TANC2: variants seen among roughly 807,000 people sequenced by gnomAD.
TANC2 encodes the protein tetratricopeptide repeat, ankyrin repeat and coiled-coil containing 2, also known as protein TANC2.
TANC2 carries 26 observed loss-of-function variants against 210.5 expected under a neutral mutation model. The ratio of observed to expected loss-of-function variants is 0.12; its 90% CI spans 0.09 to 0.17. The LOEUF (loss-of-function observed/expected upper bound fraction) is 0.17. TANC2 is among the 10% of genes least tolerant of loss of function. TANC2 has a pLI of 1.00. For missense variants in TANC2, 2,129 were observed against 2,608.9 expected, an observed-to-expected ratio of 0.82 and a Z score of 4.01; for synonymous variants, 931 against 967.1, an observed-to-expected ratio of 0.96 and a Z score of 0.69.
At chr17:63,184,284 G>A (rs1274841177) in intron 5 of TANC2, among the ~76,000 whole-genome samples, 1 of 151,954 alleles carries the variant, frequency 6.6e-6, no homozygotes, top group African/African-American at 2.4e-5. Context: ...GCTTAAATAT[G>A]TAGTGTTATT....
At chr17:63,311,539 T>C (rs1015559809) in intron 9 of TANC2, among the ~76,000 whole-genome samples, 1 of 152,118 alleles carries the variant, frequency 6.6e-6, no homozygotes, top group African/African-American at 2.4e-5. Context: ...ATATATTGAA[T>C]AAGAATATAG....
chr17:63,245,867 G>A (rs572256984), intron 8 of TANC2, among the ~76,000 whole-genome samples: 1 of 149,932 alleles, frequency 6.7e-6, no homozygotes, highest in African/African-American at 2.5e-5. Flanking sequence ...AAAATTACCT[G>A]TGCATGGTAG....
At chr17:63,085,078 A>G (rs1051123635) in intron 3 of TANC2, among the ~76,000 whole-genome samples, 3 of 152,134 alleles carry the variant, frequency 2.0e-5, no homozygotes, top group African/African-American at 4.8e-5. Context: ...AAGGCTGTCA[A>G]AGTCTCAAGT....
At chr17:63,267,028 AT>A (rs1242353194) in intron 8 of TANC2, among the ~76,000 whole-genome samples, 3 of 151,782 alleles carry the variant, frequency 2.0e-5, no homozygotes, top group Non-Finnish European at 4.4e-5. Context: ...TTTTTTGTGC[AT>A]TTTTTGTGGA....
intron 5 of TANC2, among the ~76,000 whole-genome samples, chr17:63,179,493 A>G (rs1451437905): frequency 1.3e-5 from 2 of 152,260 alleles, no homozygotes; most frequent in African/African-American, 4.8e-5. Flanking sequence ...TTAGAAAAGT[A>G]CAGTAATATC....
chr17:63,053,393 A>G (rs1218516508), intron 2 of TANC2, among the ~76,000 whole-genome samples: 1 of 152,186 alleles, frequency 6.6e-6, no homozygotes. Flanking sequence ...TACTTGACCT[A>G]TCAATATTTA....
At chr17:63,180,490 A>T (rs554818699) in intron 5 of TANC2, among the ~76,000 whole-genome samples, 1 of 152,222 alleles carries the variant, frequency 6.6e-6, no homozygotes, top group African/African-American at 2.4e-5. Flanking sequence ...CAGTATCACT[A>T]TTTAAAAGGA....
intron 9 of TANC2, among the ~76,000 whole-genome samples, chr17:63,292,612 G>A (rs766606866): frequency 1.6e-4 from 24 of 152,170 alleles, no homozygotes; most frequent in Non-Finnish European, 2.8e-4. Flanking sequence ...TGAAGAAGCA[G>A]CATCAAAGGG....
chr17:63,360,885 A>G (rs1490704960), intron 14 of TANC2, among the ~76,000 whole-genome samples: 2 of 152,168 alleles, frequency 1.3e-5, no homozygotes, highest in Non-Finnish European at 2.9e-5. Context: ...GATAAGTGAG[A>G]ACACGCAATG....
intron 1 of TANC2, among the ~76,000 whole-genome samples, chr17:63,008,939 C>G (rs1390318146): frequency 6.6e-6 from 1 of 152,092 alleles, no homozygotes; most frequent in African/African-American, 2.4e-5. Flanking sequence ...GTATTTATAG[C>G]TACCTAATTA....
intron 7 of TANC2, among the ~76,000 whole-genome samples, chr17:63,203,585 A>G (rs1051137947): frequency 2.6e-5 from 4 of 152,208 alleles, no homozygotes; most frequent in Admixed American, 1.3e-4. Flanking sequence ...TGATTAGTGT[A>G]GAGGTTCTGC....
At chr17:63,282,272 A>G (rs984196891) in intron 9 of TANC2, among the ~76,000 whole-genome samples, 12 of 152,172 alleles carry the variant, frequency 7.9e-5, no homozygotes, top group Admixed American at 5.9e-4. Flanking sequence ...CAAATTACTA[A>G]TATCAGGAAT....
At chr17:63,322,554 C>G (rs1046528432) in intron 11 of TANC2, among the ~76,000 whole-genome samples, 8 of 152,196 alleles carry the variant, frequency 5.3e-5, no homozygotes, top group African/African-American at 1.9e-4. Context: ...TAAAGTGCTT[C>G]CAGCACTTCA....
intron 9 of TANC2, among the ~76,000 whole-genome samples, chr17:63,299,534 CTTTTTTTT>C (rs201041332): frequency 7.9e-6 from 1 of 126,554 alleles, no homozygotes; most frequent in Non-Finnish European, 1.7e-5. Flanking sequence ...TGATGTTAAG[CTTTTTTTT>C]TTTTTTTTTG....
chr17:63,291,938 G>A (rs1485218115), intron 9 of TANC2, among the ~76,000 whole-genome samples: 1 of 152,168 alleles, frequency 6.6e-6, no homozygotes, highest in African/African-American at 2.4e-5. Flanking sequence ...GATTAAGGAG[G>A]AAGAAATTAT....
chr17:63,000,285 C>A (rs2033314717), intron 1 of TANC2, among the ~76,000 whole-genome samples: 1 of 152,048 alleles, frequency 6.6e-6, no homozygotes, highest in Admixed American at 6.5e-5. Flanking sequence ...TCATGATCAT[C>A]AAAATAGTAC....
rs577022953 is a variant in TANC2, at chr17:63,258,359, T to C, written c.1034-9389T>C. On this transcript the variant is annotated intron_variant, in intron 8 of 27. Transcript: ENST00000689528. Reference sequence around the variant, plus strand: ...TAAATCTGCTTGGTGTTCTATTAGCTTCTTTTACTTGAATGTTAATATATT... The same window carrying C: ...TAAATCTGCTTGGTGTTCTATTAGCCTCTTTTACTTGAATGTTAATATATT... Among the ~76,000 whole-genome samples the C allele has an allele frequency of 7.2e-5, 11 of 152,326 alleles. No individual in the cohort carries two copies. The East Asian group carries it at 2.1e-3, about 29-fold the overall frequency.
At chr17:63,033,061 C>G (rs2034835778) in intron 2 of TANC2, among the ~76,000 whole-genome samples, 1 of 152,140 alleles carries the variant, frequency 6.6e-6, no homozygotes, top group African/African-American at 2.4e-5. Context: ...ATATGAACAG[C>G]CAGATGAAGA....
At chr17:63,085,230 G>A (rs2036915694) in intron 3 of TANC2, among the ~76,000 whole-genome samples, 1 of 152,100 alleles carries the variant, frequency 6.6e-6, no homozygotes, top group Non-Finnish European at 1.5e-5. Flanking sequence ...TTTTTTGTAA[G>A]TAACACATTA....
Sources: allele counts gnomAD v4.1 joint callset (sites outside exome capture counted in the v4.1 genomes callset), GRCh38; gene constraint gnomAD v4.1.1; transcripts MANE v1.5; gene names NCBI Gene and HGNC (gene_info 2026-07-23, HGNC 2026-07-21).